Variants in ODAM observed in about 807,000 individuals in gnomAD.
The protein encoded by ODAM is odontogenic ameloblast-associated protein.
ODAM carries 55 observed loss-of-function variants against 48.5 expected under a neutral mutation model. The ratio of observed to expected loss-of-function variants is 1.13; its 90% CI spans 0.91 to 1.42. ODAM has a LOEUF of 1.42. Among genes scored for constraint, ODAM ranks in the 40% most tolerant of loss-of-function variants. The probability of loss-of-function intolerance (pLI) is 0.00; values close to 1 mark genes in which losing one functional copy is unlikely to be tolerated. For synonymous variants in ODAM, 127 were observed against 107.8 expected (o/e 1.18, Z -1.10); for missense variants, 353 against 323.6 (o/e 1.09, Z -0.70).
At chr4:70,202,716 G>A (rs2109820783) in intron 9 of ODAM, 40 bp from the exon 10 acceptor site, 2 of 1,547,210 alleles carry the variant, frequency 1.3e-6, no homozygotes, top group Non-Finnish European at 1.8e-6. Flanking sequence ...CCTTCTTGTT[G>A]AACTTACGAC....
Position 70,202,890 on chromosome 4 carries a change from T to C in ODAM, c.783T>C (p.Thr261=). The part of the protein sequence containing the change: ...TNVFTSAVDQ[T]ITPELPEEKD... ...TTTTCACTTCTGCTGTAGACCAAAC[T>C]ATTACCCCAGAGCTCCCAGAAGAGA... is the stretch of plus-strand genomic sequence containing the variant. The change falls in exon 10 of 12, where the codon ACT becomes ACC. Residue 261 remains threonine, a synonymous_variant. Transcript: ENST00000683306. 1.2e-6 allele frequency: 2 copies of C among 1,611,890 alleles called. No homozygotes were observed. Among genetic ancestry groups the C allele is most frequent in the Admixed American group, 1.7e-5 (1 of 59,706 alleles).
chr4:70,201,366 G>T (rs1482082945), intron 7 of ODAM, 88 bp from the exon 8 acceptor site: 5 of 626,452 alleles, frequency 8.0e-6, no homozygotes, highest in African/African-American at 3.9e-5. Context: ...TATATAAAAA[G>T]ATATATAAGT....
intron 4 of ODAM, 73 bp from the exon 5 acceptor site, chr4:70,197,851 C>T (rs1578236310): frequency 8.1e-7 from 1 of 1,239,304 alleles, no homozygotes; most frequent in South Asian, 1.4e-5. Flanking sequence ...TTGCCTCTTT[C>T]TTGCTCAGGA....
rs376631325 is a variant in ODAM, at chr4:70,197,916, C to G, written c.142-8C>G. 227 of 1,609,052 alleles carry G rather than the reference C, an allele frequency of 1.4e-4. 1 individual carries two copies. The East Asian group carries it at 4.4e-3, about 31-fold the overall frequency. On this transcript the variant is annotated splice_region_variant and splice_polypyrimidine_tract_variant and intron_variant, in intron 4 of 11. Transcript: ENST00000683306. ...GGAACATGCTTTCTTTCCTTTGTGT[C>G]TTTTTAGGGCCCACTTAATTCATGG...
At chr4:70,196,992 A>G (rs1347100033) in intron 3 of ODAM, among the ~76,000 whole-genome samples, 2 of 152,072 alleles carry the variant, frequency 1.3e-5, no homozygotes, top group Non-Finnish European at 2.9e-5. Context: ...CACCTCACAC[A>G]GGTGTATATA....
At chr4:70,198,946 A>G (rs1277462834) in intron 6 of ODAM, among the ~76,000 whole-genome samples, 5 of 152,016 alleles carry the variant, frequency 3.3e-5, no homozygotes, top group Admixed American at 6.6e-5. Context: ...GAAAAACTCA[A>G]GAGAAATACC....
At chr4:70,197,879 T>C in intron 4 of ODAM, 45 bp from the exon 5 acceptor site, 2 of 1,509,750 alleles carry the variant, frequency 1.3e-6, no homozygotes, top group Non-Finnish European at 1.8e-6. Flanking sequence ...TTAAATTCTT[T>C]TTGGCATGAA....
chr4:70,203,245 GC>G, intron 11 of ODAM, 31 bp downstream of exon 11: 1 of 1,244,754 alleles, frequency 8.0e-7, no homozygotes, highest in Non-Finnish European at 1.2e-6. Flanking sequence ...AGAATTAGGT[GC>G]CACGACAATT....
intron 10 of ODAM, 119 bp downstream of exon 10, chr4:70,203,036 A>T: frequency 1.5e-6 from 2 of 1,304,822 alleles, no homozygotes; most frequent in Non-Finnish European, 2.2e-6. Flanking sequence ...AACTAATGAA[A>T]AATATGTGGT....
chr4:70,198,611 T>C lies in ODAM; in HGVS notation c.408T>C (p.Pro136=). ...VMPYVFSFKM[P]QEQGQMFQYY... is the part of the protein sequence containing the mutation. ...CCTATGTATTCTCCTTCAAAATGCCTCAAGAGCAAGGACAGGTAAATGGAT... is the reference window on the plus strand; with the variant it reads ...CCTATGTATTCTCCTTCAAAATGCCCCAAGAGCAAGGACAGGTAAATGGAT... Residue 136 remains proline (P), a synonymous_variant, in exon 6 of 12, where the codon CCT becomes CCC. Transcript: ENST00000683306. 6.2e-7 allele frequency: 1 copy of C among 1,605,232 alleles called. No homozygotes were observed.
chr4:70,195,805 A>G lies in ODAM; in HGVS notation c.-16+12A>G. The G allele has an allele frequency of 1.0e-6, 1 of 978,242 alleles. No individual in the cohort carries two copies. The highest frequency in any genetic ancestry group is 1.2e-6 in the Non-Finnish European group (1 of 823,454). 60.6% of individuals were successfully genotyped at this position (978,242 alleles called of 1,614,324 possible). A position where few individuals can be genotyped will look rare whatever the true frequency, so the allele number is the denominator to read the frequency against. On this transcript the variant is annotated intron_variant, in intron 1 of 11. Coordinates refer to ENST00000683306, the MANE Select transcript of ODAM (RefSeq NM_017855.4). ...GGTCCAGGAGTAAGGTAAGATATCA[A>G]ATCTTTGCTTTTATAGTTTGAAGAA... is the stretch of plus-strand genomic sequence containing the variant.
At position 70,201,529 on chromosome 4, in the gene ODAM, A is replaced by C. The variant is rs779204619; in HGVS notation, c.576+28A>C. 4.9e-6 allele frequency: 6 copies of C among 1,231,146 alleles called. No individual in the cohort carries two copies. In the South Asian group the frequency reaches 7.5e-5, roughly 15 times the overall value. The allele number at this position is 1,231,146 out of a possible 1,614,324, so 76.3% of individuals were successfully genotyped here. A position where few individuals can be genotyped will look rare whatever the true frequency, so the allele number is the denominator to read the frequency against. On this transcript the variant is annotated intron_variant, in intron 8 of 11. Coordinates refer to ENST00000683306, the MANE Select transcript of ODAM (RefSeq NM_017855.4). ...AAGTAAATGCATATTTTTCATTAAAAATATTTTGAAACTACTTCCTTCATT... is the reference window on the plus strand; with the variant it reads ...AAGTAAATGCATATTTTTCATTAAACATATTTTGAAACTACTTCCTTCATT...
At chr4:70,198,647 T>G (rs377637146) in intron 6 of ODAM, 21 bp downstream of exon 6, 94 of 1,592,302 alleles carry the variant, frequency 5.9e-5, no homozygotes, top group Non-Finnish European at 7.8e-5. Context: ...ATAACAACAC[T>G]GCCCATAGAG....
chr4:70,195,832 C>T (rs1364679077), intron 1 of ODAM, 39 bp downstream of exon 1: 5 of 862,478 alleles, frequency 5.8e-6, no homozygotes, highest in Non-Finnish European at 7.0e-6. Flanking sequence ...TTTGAAGAAC[C>T]AAAATCAGTG....
At chr4:70,201,524 T>C in intron 8 of ODAM, 23 bp downstream of exon 8, 9 of 1,295,164 alleles carry the variant, frequency 6.9e-6, no homozygotes, top group Non-Finnish European at 1.0e-5. Flanking sequence ...ATATTTTTCA[T>C]TAAAAATATT....
At chr4:70,199,747 T>C (rs1729456264) in intron 6 of ODAM, among the ~76,000 whole-genome samples, 1 of 152,070 alleles carries the variant, frequency 6.6e-6, no homozygotes, top group Non-Finnish European at 1.5e-5. Flanking sequence ...GGATTAAGAA[T>C]GCTTGCACAA....
At position 70,200,569 on chromosome 4, in the gene ODAM, C is replaced by A. The variant is rs1450460786; in HGVS notation, c.496C>A (p.Gln166Lys). The change falls in exon 7 of 12, where the codon CAA (glutamine) becomes AAA (lysine). Residue 166 changes from glutamine to lysine, a missense_variant. Physicochemically the swap from Gln to Lys is moderately conservative, Grantham distance 53 (BLOSUM62 1). Transcript: ENST00000683306. ...TCAGCAAACAGTTCCAAGGTCACCT[C>A]AACAAACAAGACAGCAACAGTATGA... ...QPQQTVPRSPQQTRQQQYEEQ... is the reference protein window; with the variant it reads ...QPQQTVPRSPKQTRQQQYEEQ... 1.2e-6 allele frequency: 2 copies of A among 1,610,892 alleles called. No homozygotes were observed. The highest frequency in any genetic ancestry group is 2.7e-5 in the African/African-American group (2 of 74,700).
chr4:70,202,648 T>TA (rs1670206867), intron 9 of ODAM, 108 bp from the exon 10 acceptor site: 6 of 779,240 alleles, frequency 7.7e-6, no homozygotes, highest in Non-Finnish European at 1.2e-5. Flanking sequence ...ACTCTTTTTT[T>TA]AATATAATGC....
intron 6 of ODAM, among the ~76,000 whole-genome samples, chr4:70,199,911 A>G (rs1729459909): frequency 6.6e-6 from 1 of 152,048 alleles, no homozygotes; most frequent in Non-Finnish European, 1.5e-5. Context: ...AGACACAGAC[A>G]TATAAGTAGA....
Sources: allele counts gnomAD v4.1 joint callset (sites outside exome capture counted in the v4.1 genomes callset), GRCh38; gene constraint gnomAD v4.1.1; transcripts MANE v1.5; gene names NCBI Gene and HGNC (gene_info 2026-07-23, HGNC 2026-07-21).